EYS: variants seen among roughly 807,000 people sequenced by gnomAD.
The protein encoded by EYS is EGF-like photoreceptor maintenance factor.
A neutral mutation model predicts 282.1 loss-of-function variants in EYS; 250 were observed. That is an observed-to-expected ratio of 0.89 (90% CI 0.80 to 0.98). EYS has a LOEUF of 0.98. Ranked by LOEUF, EYS falls within the 50% of genes least tolerant of loss-of-function variation. EYS has a pLI of 0.00. For missense variants in EYS, 4,016 were observed against 3,709.0 expected (o/e 1.08, Z -2.15); for synonymous variants, 1,355 against 1,282.9 (o/e 1.06, Z -1.20).
At chr6:65,682,729 CA>C (rs1303047120) in intron 1 of EYS, among the ~76,000 whole-genome samples, 4 of 151,792 alleles carry the variant, frequency 2.6e-5, no homozygotes, top group Admixed American at 6.6e-5. Context: ...AAGTCAGAGC[CA>C]GAGCACAGAG....
chr6:64,201,985 A>T (rs1261654531), intron 31 of EYS, among the ~76,000 whole-genome samples: 1 of 152,208 alleles, frequency 6.6e-6, no homozygotes, highest in Non-Finnish European at 1.5e-5. Flanking sequence ...TGCACAGGAC[A>T]GACCCTACAA....
intron 12 of EYS, among the ~76,000 whole-genome samples, chr6:65,242,142 T>C (rs1257382244): frequency 6.6e-6 from 1 of 152,100 alleles, no homozygotes; most frequent in Non-Finnish European, 1.5e-5. Context: ...TATATTGAGA[T>C]ATAATTCACG....
In EYS at chr6:65,120,460, C is replaced by CAAAAAAAAAAA. The variant is rs67505285; in HGVS notation, c.2024-62744_2024-62734dup. The stretch of plus-strand genomic sequence containing the variant: ...ACATTACTCTTTTTCTTTAAATAAG[C>CAAAAAAAAAAA]AAAAAAAAAAAAAAAAAAAAAAAAT... On this transcript the variant is annotated intron_variant, in intron 12 of 42. Transcript: ENST00000503581. Among the ~76,000 whole-genome samples the CAAAAAAAAAAA allele has an allele frequency of 7.9e-4, 54 of 68,262 alleles. 2 individuals carry two copies. The highest frequency in any genetic ancestry group is 3.0e-3 in the African/African-American group (50 of 16,728). The allele number at this position is 68,262 out of a possible 152,430, so 44.8% of individuals were successfully genotyped here.
Position 64,104,747 on chromosome 6 carries a change from C to CTTTT in EYS, c.6425-22749_6425-22746dup, listed in dbSNP as rs11374423. Among the ~76,000 whole-genome samples, 284 of 133,594 alleles carry CTTTT rather than the reference C, an allele frequency of 2.1e-3. 4 individuals carry two copies. The East Asian group carries it at 0.029, about 14-fold the overall frequency. 87.6% of individuals were successfully genotyped at this position (133,594 alleles called of 152,430 possible). A position where few individuals can be genotyped will look rare whatever the true frequency, so the allele number is the denominator to read the frequency against. On this transcript the variant is annotated intron_variant, in intron 31 of 42. Coordinates refer to ENST00000503581, the MANE Select transcript of EYS (RefSeq NM_001142800.2). ...CTTATAATATCTCTCTTCTGGCAAG[C>CTTTT]TTTTTTTTTTTTTTTTTAAAGAAAT...
chr6:65,402,523 C>G lies in EYS; in HGVS notation c.1139G>C (p.Arg380Thr). ...ACATTTCTTACATGTAGCATTATTC[C>G]TCAAAGGAAATGACTCACATGATGT... ...IQTSCESFPL[R>T]NNATCKKCEK... The change falls in exon 7 of 43, where the codon AGG becomes ACG. Residue 380 changes from arginine to threonine, a missense_variant. Physicochemically the swap from Arg to Thr is moderately conservative, Grantham distance 71. Transcript: ENST00000503581. 6.5e-7 allele frequency: 1 copy of G among 1,548,424 alleles called. No homozygotes were observed. Among genetic ancestry groups the G allele is most frequent in the East Asian group, 2.3e-5 (1 of 44,362 alleles).
intron 31 of EYS, among the ~76,000 whole-genome samples, chr6:64,126,928 C>T (rs538017385): frequency 6.6e-6 from 1 of 152,068 alleles, no homozygotes; most frequent in Admixed American, 6.5e-5. Context: ...AGTCCAATGC[C>T]TATTCTAGGC....
chr6:65,018,844 G>C (rs543095909), intron 13 of EYS, among the ~76,000 whole-genome samples: 5 of 152,020 alleles, frequency 3.3e-5, no homozygotes, highest in Non-Finnish European at 7.4e-5. Context: ...TAGTAGTTCT[G>C]AATTGTATTG....
intron 35 of EYS, among the ~76,000 whole-genome samples, chr6:63,972,290 AT>A (rs1031644449): frequency 1.3e-5 from 2 of 152,148 alleles, no homozygotes; most frequent in African/African-American, 4.8e-5. Context: ...TCCCCAAGGA[AT>A]GCTTATTACT....
intron 31 of EYS, among the ~76,000 whole-genome samples, chr6:64,165,328 G>A (rs1328797387): frequency 6.6e-6 from 1 of 151,922 alleles, no homozygotes; most frequent in African/African-American, 2.4e-5. Flanking sequence ...GTTAATCTAT[G>A]ATTTTAATTT....
intron 28 of EYS, among the ~76,000 whole-genome samples, chr6:64,415,052 A>C (rs1774019706): frequency 6.6e-6 from 1 of 152,186 alleles, no homozygotes; most frequent in Admixed American, 6.6e-5. Flanking sequence ...TCCAGTGCAA[A>C]AATGCAACAA....
intron 41 of EYS, among the ~76,000 whole-genome samples, chr6:63,728,435 C>T (rs1056209461): frequency 6.6e-6 from 1 of 152,056 alleles, no homozygotes. Flanking sequence ...TTTTTCAGAG[C>T]CATTTTAGGT....
At chr6:63,914,102 G>T (rs1298339798) in intron 35 of EYS, among the ~76,000 whole-genome samples, 3 of 152,070 alleles carry the variant, frequency 2.0e-5, no homozygotes, top group African/African-American at 7.2e-5. Flanking sequence ...TATTCTGACT[G>T]CTCCACTGAC....
intron 7 of EYS, among the ~76,000 whole-genome samples, chr6:65,384,938 A>C (rs890646147): frequency 1.3e-5 from 2 of 151,862 alleles, no homozygotes; most frequent in African/African-American, 4.8e-5. Context: ...ATAACGGTCT[A>C]GTTATAGTTG....
At chr6:64,186,248 TACACACACACACACAC>T (rs34727951) in intron 31 of EYS, among the ~76,000 whole-genome samples, 186 of 147,072 alleles carry the variant, frequency 1.3e-3, no homozygotes, top group Middle Eastern at 3.4e-3. Context: ...ATGTGTGTTT[TACACACACACACACAC>T]ACACACACAC....
At chr6:64,033,332 A>G (rs1769952507) in intron 33 of EYS, among the ~76,000 whole-genome samples, 1 of 152,198 alleles carries the variant, frequency 6.6e-6, no homozygotes, top group South Asian at 2.1e-4. Context: ...ATAGGCACAT[A>G]GCTATTAAAT....
rs1771375246 is a variant in EYS at position 64,066,457 on chromosome 6, A to G, written c.6606T>C (p.His2202=). 1 of 1,546,888 alleles carries G rather than the reference A, an allele frequency of 6.5e-7. No homozygotes were observed. The highest frequency in any genetic ancestry group is 8.7e-7 in the Non-Finnish European group (1 of 1,142,940). The change falls in exon 33 of 43, where the codon CAT becomes CAC. Residue 2202 remains histidine, a synonymous_variant. Coordinates refer to ENST00000503581, the MANE Select transcript of EYS (RefSeq NM_001142800.2). The stretch of plus-strand genomic sequence containing the variant: ...ATGGCCTTCCTTCCACAAGAAATAA[A>G]TGAAGAAACTGCTTTCCACAATTAT... ...NGNNCGKQFL[H]LFLVEGRPSV... is the part of the protein sequence containing the mutation.
chr6:65,343,068 T>C (rs1770258849), intron 10 of EYS, among the ~76,000 whole-genome samples: 1 of 151,226 alleles, frequency 6.6e-6, no homozygotes, highest in Non-Finnish European at 1.5e-5. Flanking sequence ...AAGAACGTAT[T>C]AAGCTTACTT....
chr6:64,552,935 C>A (rs527259595), intron 26 of EYS, among the ~76,000 whole-genome samples: 4 of 146,028 alleles, frequency 2.7e-5, no homozygotes, highest in South Asian at 4.7e-4. Flanking sequence ...CCCCTCCCCC[C>A]CAAAAAAAGA....
intron 11 of EYS, among the ~76,000 whole-genome samples, chr6:65,322,210 C>T (rs1046656311): frequency 5.3e-5 from 8 of 152,248 alleles, no homozygotes; most frequent in African/African-American, 2.4e-5. Flanking sequence ...ATTATCCAGA[C>T]GTATCCACAG....
Sources: gnomAD v4.1 joint callset for allele counts (sites outside exome capture counted in the v4.1 genomes callset) on GRCh38, gnomAD v4.1.1 for gene constraint, MANE v1.5 for transcripts, NCBI Gene and HGNC (gene_info 2026-07-23, HGNC 2026-07-21) for gene names.